The following TMLHE variants were observed in gnomAD, a reference collection of about 807,000 sequenced individuals.
TMLHE encodes trimethyllysine hydroxylase, epsilon.
In TMLHE, 18 loss-of-function variants were observed where a neutral mutation model predicts 25.7. That is an observed-to-expected ratio of 0.70 (90% CI 0.48 to 1.04). The LOEUF (loss-of-function observed/expected upper bound fraction) is 1.04, where lower values mean the gene tolerates loss of function less well. Ranked by LOEUF, TMLHE falls within the 50% of genes least tolerant of loss-of-function variation. The pLI is 0.00. For synonymous variants in TMLHE, 105 were observed against 97.0 expected, an observed-to-expected ratio of 1.08 and a Z score of -0.49; for missense variants, 236 against 259.0, an observed-to-expected ratio of 0.91 and a Z score of 0.61.
chrX:155,524,427 A>G, intron 3 of TMLHE, 29 bp downstream of exon 3: 1 of 1,090,035 alleles, frequency 9.2e-7, no homozygotes, highest in Non-Finnish European at 1.2e-6. Flanking sequence ...GAGTACCCCC[A>G]AAGAAGATCA....
chrX:155,514,665 AG>A (rs1461951813), intron 3 of TMLHE, among the ~76,000 whole-genome samples: 1 of 110,437 alleles, frequency 9.1e-6, no homozygotes, highest in East Asian at 2.9e-4. Flanking sequence ...TTGAGCTAGA[AG>A]GGGCTAATCT....
chrX:155,550,077 T>C (rs1405554836), intron 1 of TMLHE, among the ~76,000 whole-genome samples: 5 of 110,778 alleles, frequency 4.5e-5, no homozygotes, highest in Non-Finnish European at 9.4e-5. Context: ...GGCTGCATAG[T>C]ATTCCGTGGC....
intron 2 of TMLHE, among the ~76,000 whole-genome samples, chrX:155,533,202 G>A (rs782668435): frequency 2.7e-5 from 3 of 111,539 alleles, no homozygotes; most frequent in South Asian, 7.5e-4. Context: ...TTTGAACTTC[G>A]ACTAGAACTT....
At chrX:155,548,578 TAC>T (rs2067381899) in intron 1 of TMLHE, among the ~76,000 whole-genome samples, 9 of 108,283 alleles carry the variant, frequency 8.3e-5, no homozygotes, top group Non-Finnish European at 1.7e-4. Context: ...TACTAAAAAA[TAC>T]AAAAATTAGC....
chrX:155,587,314 G>A (rs112932207), intron 1 of TMLHE, among the ~76,000 whole-genome samples: 159 of 111,652 alleles, frequency 1.4e-3, no homozygotes, highest in African/African-American at 5.0e-3. Context: ...AAAATTCAAC[G>A]TCCTTTCATG....
chrX:155,555,441 A>G (rs2067444792), intron 1 of TMLHE, among the ~76,000 whole-genome samples: 1 of 110,423 alleles, frequency 9.1e-6, no homozygotes, highest in Non-Finnish European at 1.9e-5. Flanking sequence ...TAGATCCTTG[A>G]GGAATCACCA....
chrX:155,529,764 T>C (rs2067239286), intron 2 of TMLHE, among the ~76,000 whole-genome samples: 1 of 112,314 alleles, frequency 8.9e-6, no homozygotes, highest in South Asian at 3.7e-4. Context: ...TTATCACAAA[T>C]ACAGTTTGCA....
chrX:155,587,185 T>C (rs112611560), intron 1 of TMLHE, among the ~76,000 whole-genome samples: 1,909 of 111,971 alleles, frequency 0.017, 54 homozygotes, highest in African/African-American at 0.059. Context: ...GTGAGATTTA[T>C]CCCAGGGATG....
intron 3 of TMLHE, among the ~76,000 whole-genome samples, chrX:155,516,775 T>C (rs1190838650): frequency 4.2e-3 from 85 of 20,197 alleles, no homozygotes; most frequent in African/African-American, 1.0e-2. Context: ...CCAGTGATGA[T>C]GAGCATTTCT....
At chrX:155,553,417 A>G (rs2067427897) in intron 1 of TMLHE, among the ~76,000 whole-genome samples, 1 of 109,404 alleles carries the variant, frequency 9.1e-6, no homozygotes, top group African/African-American at 3.4e-5. Flanking sequence ...ATCATTATAA[A>G]ATAGCTCTAT....
At chrX:155,530,013 T>C (rs1413019846) in intron 2 of TMLHE, among the ~76,000 whole-genome samples, 3 of 111,981 alleles carry the variant, frequency 2.7e-5, no homozygotes, top group African/African-American at 9.7e-5. Context: ...TTTATCCATT[T>C]TGAGCTGATT....
chrX:155,548,622 C>G (rs782781639), intron 1 of TMLHE, among the ~76,000 whole-genome samples: 1 of 108,295 alleles, frequency 9.2e-6, no homozygotes. Flanking sequence ...GTATTCCCAG[C>G]TACTCAGGAG....
intron 6 of TMLHE, among the ~76,000 whole-genome samples, chrX:155,505,914 C>T (rs904849141): frequency 3.7e-4 from 41 of 111,037 alleles, no homozygotes; most frequent in African/African-American, 1.1e-3. Flanking sequence ...GAAGCAGGAG[C>T]GGTAATCCAT....
intron 2 of TMLHE, among the ~76,000 whole-genome samples, chrX:155,530,588 T>C (rs149441727): frequency 2.8e-4 from 31 of 112,456 alleles, no homozygotes; most frequent in Admixed American, 2.0e-3. Flanking sequence ...TGGGTAACTA[T>C]GTGAGATGAT....
chrX:155,555,075 CCT>C (rs1341756649), intron 1 of TMLHE, among the ~76,000 whole-genome samples: 1 of 109,632 alleles, frequency 9.1e-6, no homozygotes, highest in African/African-American at 3.3e-5. Flanking sequence ...TGTTCCCCAC[CCT>C]GTGTCCAAGT....
intron 1 of TMLHE, among the ~76,000 whole-genome samples, chrX:155,582,298 G>A (rs1462541347): frequency 8.9e-6 from 1 of 111,908 alleles, no homozygotes; most frequent in Non-Finnish European, 1.9e-5. Context: ...CAAAAGCAAT[G>A]GCAACAAAAG....
At position 155,573,547 on chromosome X, in the gene TMLHE, G is replaced by A. The variant is rs1313673331; in HGVS notation, c.-1-28270C>T. ...ACCCATGCACACGTATGTTTATTGC[G>A]GCACTATTCACAATAGCGAAGACTT... is the stretch of plus-strand genomic sequence containing the variant. On this transcript the variant is annotated intron_variant, in intron 1 of 7. Coordinates refer to ENST00000334398, the MANE Select transcript of TMLHE (RefSeq NM_018196.4). 2.3e-4 allele frequency among the ~76,000 whole-genome samples: 13 copies of A among 56,008 alleles called. 1 individual carries two copies. The highest frequency in any genetic ancestry group is 5.6e-4 in the African/African-American group (13 of 23,400). The allele number at this position is 56,008 out of a possible 115,157, so 48.6% of individuals were successfully genotyped here. A position where few individuals can be genotyped will look rare whatever the true frequency, so the allele number is the denominator to read the frequency against.
rs375119064 is a variant in TMLHE at position 155,548,534 on chromosome X, GGCCA to G, written c.-1-3261_-1-3258del. 7.3e-4 allele frequency among the ~76,000 whole-genome samples: 80 copies of G among 108,863 alleles called. 1 individual carries two copies. Among genetic ancestry groups the G allele is most frequent in the Non-Finnish European group, 1.1e-3 (56 of 52,200 alleles). The allele number at this position is 108,863 out of a possible 115,157, so 94.5% of individuals were successfully genotyped here. The stretch of plus-strand genomic sequence containing the variant: ...GCGGATCACAAGGTCAGCAGTATGA[GGCCA>G]GCCTGACTAACATGGTGAAACCCTG... On this transcript the variant is annotated intron_variant, in intron 1 of 7. Transcript: ENST00000334398.
chrX:155,522,806 A>G (rs1277678781), intron 3 of TMLHE, among the ~76,000 whole-genome samples: 7 of 112,214 alleles, frequency 6.2e-5, no homozygotes, highest in Non-Finnish European at 1.1e-4. Flanking sequence ...TATTACAAAT[A>G]AGGCTGATGT....
Sources: allele counts gnomAD v4.1 joint callset (sites outside exome capture counted in the v4.1 genomes callset), GRCh38; gene constraint gnomAD v4.1.1; transcripts MANE v1.5; gene names NCBI Gene and HGNC (gene_info 2026-07-23, HGNC 2026-07-21).